The following RALY variants were observed in gnomAD, a reference collection of about 807,000 sequenced individuals.
RALY encodes the protein RNA-binding protein Raly.
Under a neutral mutation model 30.7 loss-of-function variants are expected in RALY, and 15 were observed. That is an observed-to-expected ratio of 0.49 (90% confidence interval 0.33 to 0.75). The LOEUF (loss-of-function observed/expected upper bound fraction) is 0.75. Ranked by LOEUF, RALY falls within the 30% of genes least tolerant of loss-of-function variation. The probability of loss-of-function intolerance (pLI) is 0.02; values close to 1 mark genes in which losing one functional copy is unlikely to be tolerated. For missense variants in RALY, 339 were observed against 414.3 expected, an observed-to-expected ratio of 0.82 and a Z score of 1.58; for synonymous variants, 177 against 170.8, an observed-to-expected ratio of 1.04 and a Z score of -0.28.
At chr20:34,053,529 C>A (rs1257420792) in intron 2 of RALY, among the ~76,000 whole-genome samples, 2 of 150,532 alleles carry the variant, frequency 1.3e-5, no homozygotes, top group African/African-American at 4.9e-5. Flanking sequence ...TCCCAAGTAA[C>A]TGGGACTATA....
intron 2 of RALY, among the ~76,000 whole-genome samples, chr20:34,047,575 G>T (rs2032925385): frequency 6.6e-6 from 1 of 152,220 alleles, no homozygotes; most frequent in African/African-American, 2.4e-5. Flanking sequence ...TGGCAGAGTT[G>T]TATTGGTTTG....
At chr20:34,049,064 T>G (rs1172082108) in intron 2 of RALY, 2 of 152,390 alleles carry the variant, frequency 1.3e-5, no homozygotes, top group Non-Finnish European at 2.9e-5. Flanking sequence ...AGGAATTAGC[T>G]CAGCAAGGAG....
chr20:34,013,144 G>A (rs1026418574), intron 1 of RALY, among the ~76,000 whole-genome samples: 3 of 152,008 alleles, frequency 2.0e-5, no homozygotes, highest in Non-Finnish European at 4.4e-5. Flanking sequence ...ATTCAAGGTA[G>A]GCTAAACTAA....
chr20:34,004,089 T>C (rs2031052202), intron 1 of RALY, among the ~76,000 whole-genome samples: 1 of 152,212 alleles, frequency 6.6e-6, no homozygotes, highest in Non-Finnish European at 1.5e-5. Flanking sequence ...TTAAGAACCA[T>C]ACTATGAATT....
chr20:34,022,275 A>G (rs898280662), intron 1 of RALY, among the ~76,000 whole-genome samples: 1 of 151,348 alleles, frequency 6.6e-6, no homozygotes, highest in Non-Finnish European at 1.5e-5. Flanking sequence ...CCTCACCCCT[A>G]GTTTTTAAGT....
At chr20:34,028,665 C>T (rs1455381233) in intron 1 of RALY, among the ~76,000 whole-genome samples, 2 of 125,536 alleles carry the variant, frequency 1.6e-5, no homozygotes, top group Non-Finnish European at 3.1e-5. Flanking sequence ...GATCGTGTCA[C>T]TGCACTCCAG....
chr20:34,076,914 G>C, intron 7 of RALY, 99 bp downstream of exon 7: 1 of 1,591,180 alleles, frequency 6.3e-7, no homozygotes, highest in Non-Finnish European at 8.6e-7. Flanking sequence ...TGGCCCTGCA[G>C]ATCCTGGACC....
At chr20:33,996,137 T>A (rs1377732865) in intron 1 of RALY, among the ~76,000 whole-genome samples, 2 of 152,226 alleles carry the variant, frequency 1.3e-5, no homozygotes, top group Admixed American at 6.5e-5. Flanking sequence ...TTTGCAGAGC[T>A]TGGTTTATGT....
At chr20:34,053,642 C>T (rs2033152229) in intron 2 of RALY, among the ~76,000 whole-genome samples, 1 of 152,120 alleles carries the variant, frequency 6.6e-6, no homozygotes, top group Non-Finnish European at 1.5e-5. Context: ...AGCAGTCCTC[C>T]TGCTTTGGCC....
intron 1 of RALY, among the ~76,000 whole-genome samples, chr20:34,028,596 C>T (rs774123140): frequency 6.8e-6 from 1 of 147,794 alleles, no homozygotes; most frequent in Non-Finnish European, 1.5e-5. Context: ...CCCAGCTACT[C>T]AGGAGGCTGA....
chr20:34,078,011 CT>C (rs1428337441), intron 8 of RALY, among the ~76,000 whole-genome samples: 3 of 152,250 alleles, frequency 2.0e-5, no homozygotes, highest in Non-Finnish European at 4.4e-5. Flanking sequence ...GGATCTGCAG[CT>C]TTCTCCTTTT....
intron 2 of RALY, among the ~76,000 whole-genome samples, chr20:34,048,787 C>G (rs1043036876): frequency 4.2e-5 from 6 of 143,612 alleles, no homozygotes; most frequent in Admixed American, 1.5e-4. Flanking sequence ...ACCCTGGAGG[C>G]AGAGCTTGCA....
At chr20:34,052,507 G>A (rs184041412) in intron 2 of RALY, among the ~76,000 whole-genome samples, 75 of 152,286 alleles carry the variant, frequency 4.9e-4, no homozygotes, top group African/African-American at 1.8e-3. Context: ...TTTCTAGCCA[G>A]CAAATCCTAA....
intron 2 of RALY, among the ~76,000 whole-genome samples, chr20:34,047,196 C>T (rs2032911705): frequency 6.6e-6 from 1 of 152,176 alleles, no homozygotes; most frequent in South Asian, 2.1e-4. Context: ...ACCTGACTTG[C>T]TAATCTGCTG....
chr20:34,076,314 A>G (rs935026337), intron 6 of RALY: 71 of 531,764 alleles, frequency 1.3e-4, no homozygotes, highest in Non-Finnish European at 2.3e-4. Flanking sequence ...GGACAGGTCT[A>G]CCCAGGCCCA....
chr20:34,078,598 A>G, intron 9 of RALY, 45 bp downstream of exon 9: 1 of 1,482,664 alleles, frequency 6.7e-7, no homozygotes, highest in Admixed American at 2.3e-5. Flanking sequence ...GGAATCAGTG[A>G]AGTGGAGGTT....
At chr20:34,060,871 C>T (rs1376438587) in intron 2 of RALY, among the ~76,000 whole-genome samples, 2 of 152,150 alleles carry the variant, frequency 1.3e-5, no homozygotes, top group East Asian at 1.9e-4. Context: ...AATTTGACGA[C>T]GCACATGGAA....
At chr20:34,065,969 C>G (rs1345979252) in intron 2 of RALY, among the ~76,000 whole-genome samples, 1 of 152,132 alleles carries the variant, frequency 6.6e-6, no homozygotes, top group Non-Finnish European at 1.5e-5. Flanking sequence ...ACAGAGTTCT[C>G]TGAGTGCCTG....
At chr20:34,018,465 C>A (rs1199865137) in intron 1 of RALY, among the ~76,000 whole-genome samples, 1 of 152,188 alleles carries the variant, frequency 6.6e-6, no homozygotes, top group East Asian at 1.9e-4. Flanking sequence ...CCTGCCCCTC[C>A]TTTCTGTGTT....
Sources: gnomAD v4.1 joint callset for allele counts (sites outside exome capture counted in the v4.1 genomes callset) on GRCh38, gnomAD v4.1.1 for gene constraint, MANE v1.5 for transcripts, NCBI Gene and HGNC (gene_info 2026-07-23, HGNC 2026-07-21) for gene names.